Variants in ADCY8 observed in about 807,000 individuals in gnomAD.
ADCY8 encodes the protein adenylate cyclase type 8.
ADCY8 carries 51 observed loss-of-function variants against 119.7 expected under a neutral mutation model. The observed-to-expected ratio is 0.43, with a 90% CI of 0.34 to 0.54. ADCY8 has a LOEUF of 0.54. Among genes scored for constraint, ADCY8 ranks in the 20% least tolerant of loss-of-function variants. The probability of loss-of-function intolerance (pLI) is 0.03; values close to 1 mark genes in which losing one functional copy is unlikely to be tolerated. For synonymous variants in ADCY8, 665 were observed against 651.0 expected, an observed-to-expected ratio of 1.02 and a Z score of -0.33; for missense variants, 1,383 against 1,598.8, an observed-to-expected ratio of 0.87 and a Z score of 2.30.
rs756526665 is a variant in ADCY8, at chr8:130,943,359, G to A, written c.1345C>T (p.Leu449=). 4.3e-6 allele frequency: 7 copies of A among 1,612,402 alleles called. No homozygotes were observed. In the Admixed American group the frequency reaches 1.2e-4, roughly 27 times the overall value. The change falls in exon 4 of 18, where the codon CTG becomes TTG. Residue 449 remains leucine, a synonymous_variant. Transcript: ENST00000286355. ...LNELFARFDR[L]AHEHHCLRIK... ...AATTAAATTCAACTCACATGGGCCA[G>A]TCGATCAAATCTGGCAAAGAGCTCG... is the stretch of plus-strand genomic sequence containing the variant.
At chr8:130,851,552 G>A (rs755876478) in intron 9 of ADCY8, among the ~76,000 whole-genome samples, 3 of 152,166 alleles carry the variant, frequency 2.0e-5, no homozygotes, top group Non-Finnish European at 2.9e-5. Context: ...TCAGATCTGC[G>A]TGTTTGAAAG....
At chr8:131,025,212 G>A (rs1823786192) in intron 1 of ADCY8, among the ~76,000 whole-genome samples, 1 of 152,104 alleles carries the variant, frequency 6.6e-6, no homozygotes, top group Admixed American at 6.5e-5. Context: ...TAACTATCAT[G>A]ATAAACATTG....
At chr8:130,820,118 TA>T (rs1816461903) in intron 13 of ADCY8, among the ~76,000 whole-genome samples, 1 of 152,228 alleles carries the variant, frequency 6.6e-6, no homozygotes, top group African/African-American at 2.4e-5. Flanking sequence ...AGGCACATAG[TA>T]GGGACTCAAT....
At chr8:130,942,665 C>T (rs1378337249) in intron 4 of ADCY8, among the ~76,000 whole-genome samples, 1 of 152,178 alleles carries the variant, frequency 6.6e-6, no homozygotes, top group East Asian at 1.9e-4. Context: ...GAAGTTGGCA[C>T]TAACATACAC....
At chr8:130,950,930 C>T (rs796488990) in intron 3 of ADCY8, among the ~76,000 whole-genome samples, 6 of 152,298 alleles carry the variant, frequency 3.9e-5, no homozygotes, top group African/African-American at 1.4e-4. Context: ...GATCTCTTGA[C>T]CTCGTGATCC....
intron 15 of ADCY8, among the ~76,000 whole-genome samples, chr8:130,785,687 T>C (rs1025349770): frequency 6.6e-6 from 1 of 152,230 alleles, no homozygotes; most frequent in African/African-American, 2.4e-5. Flanking sequence ...TGGGTGTAAA[T>C]TGGTACTCTT....
At chr8:130,871,571 T>C (rs1184141682) in intron 8 of ADCY8, among the ~76,000 whole-genome samples, 2 of 152,202 alleles carry the variant, frequency 1.3e-5, no homozygotes, top group African/African-American at 4.8e-5. Flanking sequence ...TGTCAATCAA[T>C]TAATTATACT....
At chr8:130,907,549 A>G (rs1312085068) in intron 6 of ADCY8, among the ~76,000 whole-genome samples, 1 of 152,182 alleles carries the variant, frequency 6.6e-6, no homozygotes, top group African/African-American at 2.4e-5. Flanking sequence ...TAATGTTTTC[A>G]GTCCAAAATT....
At chr8:130,933,785 T>C (rs1820703804) in intron 5 of ADCY8, among the ~76,000 whole-genome samples, 1 of 152,258 alleles carries the variant, frequency 6.6e-6, no homozygotes. Flanking sequence ...TATTTGATTA[T>C]AGATGCTCAT....
chr8:130,797,153 A>G (rs1251211174), intron 15 of ADCY8, among the ~76,000 whole-genome samples: 1 of 152,222 alleles, frequency 6.6e-6, no homozygotes, highest in Admixed American at 6.5e-5. Flanking sequence ...CCCACTGGCC[A>G]CATGTGGCCC....
intron 13 of ADCY8, among the ~76,000 whole-genome samples, chr8:130,820,933 T>A (rs1175492738): frequency 6.6e-6 from 1 of 152,188 alleles, no homozygotes; most frequent in Admixed American, 6.5e-5. Flanking sequence ...GATAAGTAAC[T>A]TGCCCAAAAT....
chr8:131,011,870 C>T (rs1334428113), intron 1 of ADCY8, among the ~76,000 whole-genome samples: 1 of 152,116 alleles, frequency 6.6e-6, no homozygotes, highest in African/African-American at 2.4e-5. Context: ...AGCCATCTTG[C>T]AGTCAATACT....
intron 1 of ADCY8, among the ~76,000 whole-genome samples, chr8:131,019,417 T>C (rs74459389): frequency 0.011 from 1,603 of 152,284 alleles, 35 homozygotes; most frequent in African/African-American, 0.037. Flanking sequence ...GGAGTTACAA[T>C]TTGGCAGATT....
chr8:130,848,919 C>T (rs375881792), intron 10 of ADCY8, among the ~76,000 whole-genome samples: 8 of 152,112 alleles, frequency 5.3e-5, no homozygotes, highest in South Asian at 2.1e-4. Flanking sequence ...CTATGTGTCA[C>T]GTGAAATACA....
At chr8:131,000,036 C>A (rs767296770) in intron 1 of ADCY8, among the ~76,000 whole-genome samples, 58 of 152,126 alleles carry the variant, frequency 3.8e-4, no homozygotes, top group Non-Finnish European at 7.8e-4. Flanking sequence ...ATATTAAGTG[C>A]AGAACACTTT....
chr8:130,791,365 C>T (rs979740267), intron 15 of ADCY8, among the ~76,000 whole-genome samples: 14 of 152,182 alleles, frequency 9.2e-5, no homozygotes, highest in African/African-American at 3.4e-4. Context: ...AGAAAAGGCA[C>T]ATATGTGCAC....
intron 1 of ADCY8, among the ~76,000 whole-genome samples, chr8:131,012,558 G>A (rs1003713120): frequency 6.6e-6 from 1 of 152,202 alleles, no homozygotes; most frequent in African/African-American, 2.4e-5. Context: ...ATCCTGTGAT[G>A]AGCCATCGGG....
intron 2 of ADCY8, among the ~76,000 whole-genome samples, chr8:130,960,147 G>A (rs1330183978): frequency 6.6e-6 from 1 of 152,118 alleles, no homozygotes; most frequent in Non-Finnish European, 1.5e-5. Context: ...CACATGGGAG[G>A]GAGACTTGTA....
At chr8:130,997,395 C>T (rs956540532) in intron 1 of ADCY8, among the ~76,000 whole-genome samples, 1 of 122,612 alleles carries the variant, frequency 8.2e-6, no homozygotes. Context: ...AGTACAAACC[C>T]TAAGGTGTCA....
Sources: gnomAD v4.1 joint callset for allele counts (sites outside exome capture counted in the v4.1 genomes callset) on GRCh38, gnomAD v4.1.1 for gene constraint, MANE v1.5 for transcripts, NCBI Gene and HGNC (gene_info 2026-07-23, HGNC 2026-07-21) for gene names.